RPTOR: variants seen among roughly 807,000 people sequenced by gnomAD.
RPTOR encodes regulatory-associated protein of mTOR.
A neutral mutation model predicts 169.9 loss-of-function variants in RPTOR; 21 were observed. The observed-to-expected ratio is 0.12, with a 90% CI of 0.09 to 0.18. The LOEUF (loss-of-function observed/expected upper bound fraction) is 0.18, where lower values mean the gene tolerates loss of function less well. RPTOR is among the 10% of genes least tolerant of loss of function. The probability of loss-of-function intolerance (pLI) is 1.00; values close to 1 mark genes in which losing one functional copy is unlikely to be tolerated. For synonymous variants in RPTOR, 732 were observed against 753.2 expected, an observed-to-expected ratio of 0.97 and a Z score of 0.46; for missense variants, 1,133 against 1,855.9, an observed-to-expected ratio of 0.61 and a Z score of 7.16.
chr17:80,910,843 T>C (rs1176123274), intron 21 of RPTOR, among the ~76,000 whole-genome samples: 1 of 5,350 alleles, frequency 1.9e-4, no homozygotes, highest in East Asian at 4.3e-3. Context: ...TCTTCAGTTC[T>C]TTTTTTTTTT....
intron 20 of RPTOR, among the ~76,000 whole-genome samples, chr17:80,894,342 G>A (rs1420625183): frequency 6.6e-6 from 1 of 152,320 alleles, no homozygotes; most frequent in East Asian, 1.9e-4. Context: ...CACAGTGTCC[G>A]CAGTGAGAGG....
intron 6 of RPTOR, among the ~76,000 whole-genome samples, chr17:80,755,534 C>T (rs543241480): frequency 5.3e-5 from 8 of 152,040 alleles, no homozygotes; most frequent in East Asian, 1.9e-4. Context: ...GCCAGGAGTT[C>T]GAGACTAGCC....
intron 2 of RPTOR, among the ~76,000 whole-genome samples, chr17:80,626,287 G>A (rs960729540): frequency 3.3e-5 from 5 of 151,948 alleles, no homozygotes; most frequent in African/African-American, 9.7e-5. Context: ...TCCTGACCTC[G>A]TGATCCGCCC....
At chr17:80,632,460 A>G (rs1468649441) in intron 2 of RPTOR, among the ~76,000 whole-genome samples, 4 of 152,154 alleles carry the variant, frequency 2.6e-5, no homozygotes, top group Admixed American at 6.5e-5. Flanking sequence ...TTTGATCAGT[A>G]TTTACACAAT....
At chr17:80,697,788 G>A (rs1190582334) in intron 3 of RPTOR, among the ~76,000 whole-genome samples, 5 of 152,210 alleles carry the variant, frequency 3.3e-5, no homozygotes, top group Non-Finnish European at 7.3e-5. Context: ...AGGGGCCGGT[G>A]GCCTGACTGC....
rs778648313 is a variant in RPTOR at position 80,823,179 on chromosome 17, C to T, written c.1092C>T (p.Pro364=). The T allele has an allele frequency of 2.8e-5, 46 of 1,614,038 alleles. No homozygotes were observed. In the East Asian group the frequency reaches 6.9e-4, roughly 24 times the overall value. The change falls in exon 9 of 34, where the codon CCC becomes CCT. Residue 364 remains proline (P), a synonymous_variant. Transcript: ENST00000306801. The surrounding 1 kb of genome is among the most constrained non-coding windows in gnomAD (Gnocchi z 4.5). ...TTATGAGGTCGTATAACTGCACTCC[C>T]GTCAGCAGCCCGCGTCTGCCGCCCA... is the stretch of plus-strand genomic sequence containing the variant. ...ERIMRSYNCT[P]VSSPRLPPTY...
chr17:80,877,717 G>C (rs1009520593), intron 13 of RPTOR, among the ~76,000 whole-genome samples: 1 of 152,134 alleles, frequency 6.6e-6, no homozygotes, highest in Non-Finnish European at 1.5e-5. Flanking sequence ...GACGGCGGTC[G>C]ATGCATCTCA....
At chr17:80,945,966 A>C (rs573276999) in intron 26 of RPTOR, among the ~76,000 whole-genome samples, 185 bp downstream of exon 26, 2 of 151,948 alleles carry the variant, frequency 1.3e-5, no homozygotes, top group Non-Finnish European at 2.9e-5. Context: ...AGCCCCACCC[A>C]CACCTGCCCC....
intron 21 of RPTOR, among the ~76,000 whole-genome samples, chr17:80,914,479 G>A (rs1014925822): frequency 7.2e-5 from 11 of 152,146 alleles, no homozygotes; most frequent in South Asian, 4.1e-4. Context: ...GCAGCCACCC[G>A]GCATGGCTCC....
chr17:80,634,323 CTA>C (rs66497647), intron 2 of RPTOR, among the ~76,000 whole-genome samples: 2,601 of 36,878 alleles, frequency 0.071, 21 homozygotes, highest in Non-Finnish European at 0.085. Flanking sequence ...CGTGTGCGTA[CTA>C]TGTGCGTGTG....
chr17:80,763,038 G>A (rs1440532509), intron 6 of RPTOR, among the ~76,000 whole-genome samples: 3 of 152,154 alleles, frequency 2.0e-5, no homozygotes, highest in African/African-American at 4.8e-5. Context: ...CAGATTTAAA[G>A]CAAAACGTTT....
Position 80,936,042 on chromosome 17 carries a change from C to T in RPTOR, c.2920-4454C>T, listed in dbSNP as rs11655629. Among the ~76,000 whole-genome samples, 5,057 of 152,156 alleles carry T rather than the reference C, an allele frequency of 0.033. 114 individuals are homozygous for T. Among genetic ancestry groups the T allele is most frequent in the Non-Finnish European group, 0.05 (3,394 of 68,000 alleles). On this transcript the variant is annotated intron_variant, in intron 24 of 33. Transcript: ENST00000306801. The surrounding 1 kb of genome is among the most constrained non-coding windows in gnomAD (Gnocchi z 4.1). ...AAGCAGCCCAATTAAAAAACAGTGG[C>T]GAAAGATTTTACAGACACCCCACCA...
At chr17:80,567,148 T>C (rs2064852337) in intron 1 of RPTOR, among the ~76,000 whole-genome samples, 1 of 151,988 alleles carries the variant, frequency 6.6e-6, no homozygotes, top group South Asian at 2.1e-4. Flanking sequence ...TTTTAGTATT[T>C]TTAGTACAGA....
chr17:80,725,034 T>C (rs2066319691), intron 4 of RPTOR, among the ~76,000 whole-genome samples: 1 of 152,236 alleles, frequency 6.6e-6, no homozygotes, highest in Admixed American at 6.5e-5. Context: ...TTTTGTCTTC[T>C]GCTCTGTAAT....
At chr17:80,752,414 C>G (rs897866609) in intron 5 of RPTOR, among the ~76,000 whole-genome samples, 1 of 152,262 alleles carries the variant, frequency 6.6e-6, no homozygotes, top group African/African-American at 2.4e-5. Context: ...CCTCCCCCAG[C>G]TGAAAGCATT....
intron 28 of RPTOR, 59 bp downstream of exon 28, chr17:80,949,606 C>T (rs2069148229): frequency 2.8e-6 from 4 of 1,432,012 alleles, no homozygotes; most frequent in South Asian, 2.3e-5. Context: ...CGGACGCACT[C>T]GGAATTCCAA....
At chr17:80,769,786 C>T (rs559133214) in intron 6 of RPTOR, among the ~76,000 whole-genome samples, 1 of 152,322 alleles carries the variant, frequency 6.6e-6, no homozygotes, top group South Asian at 2.1e-4. Context: ...CGCATCTCGA[C>T]CAGCAGCCCA....
intron 7 of RPTOR, among the ~76,000 whole-genome samples, chr17:80,806,210 G>A (rs4969444): frequency 0.21 from 31,248 of 151,926 alleles, 3,425 homozygotes; most frequent in African/African-American, 0.26. Context: ...AAACCATTTC[G>A]GTAACCCTGA....
At chr17:80,838,082 G>GCT in intron 10 of RPTOR, 85 bp downstream of exon 10, 1 of 1,161,540 alleles carries the variant, frequency 8.6e-7, no homozygotes, top group Non-Finnish European at 1.2e-6. Flanking sequence ...CAGACTGGGG[G>GCT]TGGTGCCCAG....
Sources: allele counts gnomAD v4.1 joint callset (sites outside exome capture counted in the v4.1 genomes callset), GRCh38; gene constraint gnomAD v4.1.1; non-coding constraint Gnocchi (gnomAD v3.1); transcripts MANE v1.5; gene names NCBI Gene and HGNC (gene_info 2026-07-23, HGNC 2026-07-21).